MEF2C: variants seen among roughly 807,000 people sequenced by gnomAD.
MEF2C encodes myocyte-specific enhancer factor 2C.
MEF2C carries 6 observed loss-of-function variants against 50.5 expected under a neutral mutation model. That is an observed-to-expected ratio of 0.12 (90% confidence interval 0.07 to 0.23). The LOEUF is 0.23. MEF2C is among the 10% of genes least tolerant of loss of function. The probability of loss-of-function intolerance (pLI) is 1.00; values close to 1 mark genes in which losing one functional copy is unlikely to be tolerated. For synonymous variants in MEF2C, 183 were observed against 228.0 expected, an observed-to-expected ratio of 0.80 and a Z score of 1.78; for missense variants, 276 against 605.0, an observed-to-expected ratio of 0.46 and a Z score of 5.70.
chr5:88,733,577 T>C, intron 6 of MEF2C: 7 of 985,386 alleles, frequency 7.1e-6, no homozygotes, highest in Non-Finnish European at 8.4e-6. Context: ...AGAGCAAAGG[T>C]ATATTTCAGG....
chr5:88,752,026 G>A lies in MEF2C; in HGVS notation c.420C>T (p.Asn140=), dbSNP rs1773031439. 1.2e-6 allele frequency: 2 copies of A among 1,609,664 alleles called. No homozygotes were observed. The highest frequency in any genetic ancestry group is 1.7e-5 in the Admixed American group (1 of 59,756). Residue 140 remains asparagine, a synonymous_variant, in exon 5 of 11, where the codon AAC becomes AAT. Coordinates refer to ENST00000504921, the MANE Select transcript of MEF2C (RefSeq NM_002397.5). The part of the protein sequence containing the change: ...RQRLCAVPPP[N]FEMPVSIPVS... ...CTGGGATGGAGACTGGCATCTCGAA[G>A]TTGGGAGGTGGAACAGCCTGCAGGA...
chr5:88,799,870 TCA>T (rs60340884), intron 3 of MEF2C, among the ~76,000 whole-genome samples: 25,584 of 106,926 alleles, frequency 0.24, 2,369 homozygotes, highest in Middle Eastern at 0.34. Context: ...TCTCTCTCTC[TCA>T]CACACACACA....
intron 1 of MEF2C, among the ~76,000 whole-genome samples, chr5:88,863,789 G>A (rs1167327996): frequency 6.6e-6 from 1 of 150,606 alleles, no homozygotes; most frequent in Non-Finnish European, 1.5e-5. Flanking sequence ...TGTCTTTTAG[G>A]TTCATTCATG....
rs1012308050 is a variant in MEF2C, at chr5:88,740,633, T to A, written c.637+8437A>T. 2.9e-5 allele frequency: 29 copies of A among 984,318 alleles called. No homozygotes were observed. The African/African-American group carries it at 5.1e-4, about 17-fold the overall frequency. The allele number at this position is 984,318 out of a possible 1,614,324, so 61.0% of individuals were successfully genotyped here. ...GTCTGAGATTTAGCATGCATCCTTG[T>A]ATTTGCAAATAAGGAAGAAATTGAC... On this transcript the variant is annotated intron_variant, in intron 6 of 10. Coordinates refer to ENST00000504921, the MANE Select transcript of MEF2C (RefSeq NM_002397.5).
intron 3 of MEF2C, among the ~76,000 whole-genome samples, chr5:88,785,730 T>C (rs1188421099): frequency 2.0e-5 from 3 of 151,184 alleles, no homozygotes; most frequent in Non-Finnish European, 4.4e-5. Context: ...TTAAAATACA[T>C]CTTACAAATA....
chr5:88,838,705 T>C, intron 1 of MEF2C: 4 of 985,340 alleles, frequency 4.1e-6, no homozygotes, highest in Non-Finnish European at 4.8e-6. Context: ...CCATTATCCT[T>C]ACCCTCCTCC....
intron 1 of MEF2C, among the ~76,000 whole-genome samples, chr5:88,899,332 C>G (rs1331460010): frequency 6.6e-6 from 1 of 152,138 alleles, no homozygotes; most frequent in Non-Finnish European, 1.5e-5. Context: ...GGGTGGGGCC[C>G]AGTCATTGCA....
intron 9 of MEF2C, among the ~76,000 whole-genome samples, chr5:88,728,837 G>A (rs979988588): frequency 6.6e-6 from 1 of 152,036 alleles, no homozygotes; most frequent in Admixed American, 6.6e-5. Flanking sequence ...AGTATTCCAC[G>A]AATGCTCTGA....
intron 3 of MEF2C, among the ~76,000 whole-genome samples, chr5:88,797,056 T>C (rs1476907291): frequency 1.3e-5 from 2 of 152,216 alleles, no homozygotes; most frequent in African/African-American, 4.8e-5. Flanking sequence ...ATGTCAGTTT[T>C]AGGATAAGTG....
At chr5:88,789,397 G>C (rs751718315) in intron 3 of MEF2C, among the ~76,000 whole-genome samples, 1 of 151,826 alleles carries the variant, frequency 6.6e-6, no homozygotes, top group South Asian at 2.1e-4. Flanking sequence ...TGAACTCCTA[G>C]GCTCAAGTAA....
chr5:88,833,840 G>C (rs1813987434), intron 1 of MEF2C, among the ~76,000 whole-genome samples: 1 of 152,046 alleles, frequency 6.6e-6, no homozygotes, highest in Admixed American at 6.6e-5. Context: ...TTATGGCAAG[G>C]GAGAACTGGG....
At chr5:88,729,457 G>A (rs1760441968) in intron 8 of MEF2C, 110 bp from the exon 9 acceptor site, 1 of 1,000,406 alleles carries the variant, frequency 1.0e-6, no homozygotes, top group Non-Finnish European at 1.5e-6. Context: ...CAAATCTCAT[G>A]AAATTAATCA....
intron 3 of MEF2C, among the ~76,000 whole-genome samples, chr5:88,800,807 CTG>C (rs1251357607): frequency 6.6e-6 from 1 of 152,084 alleles, no homozygotes; most frequent in African/African-American, 2.4e-5. Flanking sequence ...AATACAATAA[CTG>C]TTTTTGTTTT....
intron 1 of MEF2C, among the ~76,000 whole-genome samples, chr5:88,847,302 A>C (rs1819677705): frequency 6.6e-6 from 1 of 152,196 alleles, no homozygotes; most frequent in Non-Finnish European, 1.5e-5. Context: ...AGAATAAATG[A>C]TATTCTAGTA....
rs747322154 is a variant in MEF2C at position 88,804,831 on chromosome 5, TA to T, written c.55-31del. The stretch of plus-strand genomic sequence containing the variant: ...AAAAAAGAAAGCAGCCAAGATTTTT[TA>T]AAAAATATTCATGCATGTGTGGTTT... On this transcript the variant is annotated intron_variant, in intron 2 of 10. Transcript: ENST00000504921. 124 of 1,582,684 alleles carry T rather than the reference TA, an allele frequency of 7.8e-5. No individual in the cohort carries two copies. The African/African-American group carries it at 1.4e-3, about 17-fold the overall frequency.
At chr5:88,887,458 T>C (rs1834129972), upstream of MEF2C, 1 of 152,234 alleles carries the variant, frequency 6.6e-6, no homozygotes, top group Admixed American at 6.5e-5. Flanking sequence ...TTTACCTTTA[T>C]GGTAACTCTG....
chr5:88,762,796 C>A (rs1476591037), intron 3 of MEF2C, among the ~76,000 whole-genome samples: 1 of 151,900 alleles, frequency 6.6e-6, no homozygotes, highest in African/African-American at 2.4e-5. Flanking sequence ...GAAAGTTCAG[C>A]AGAGCTCATC....
In MEF2C at chr5:88,722,738, A is replaced by G; in HGVS notation, c.1288T>C (p.Ser430Pro). Reference sequence around the variant, plus strand: ...TCCTCTCGGTCGCTCCCGTCGTACGAACTGCTACAGCTGCTCAAGCTGTCA... The same window carrying G: ...TCCTCTCGGTCGCTCCCGTCGTACGGACTGCTACAGCTGCTCAAGCTGTCA... ...PVDSLSSCSS[S>P]YDGSDREDHR... Residue 430 changes from serine (S) to proline (P), a missense_variant, in exon 11 of 11, where the codon TCG becomes CCG. Transcript: ENST00000504921. 1 of 1,613,968 alleles carries G rather than the reference A, an allele frequency of 6.2e-7. No homozygotes were observed. The highest frequency in any genetic ancestry group is 8.5e-7 in the Non-Finnish European group (1 of 1,179,884).
intron 3 of MEF2C, chr5:88,772,657 T>C (rs1782898285): frequency 1.2e-5 from 10 of 831,478 alleles, no homozygotes; most frequent in East Asian, 1.2e-4. Flanking sequence ...ATTTCATTTA[T>C]GGTATCCTCA....
Sources: allele counts gnomAD v4.1 joint callset (sites outside exome capture counted in the v4.1 genomes callset), GRCh38; gene constraint gnomAD v4.1.1; transcripts MANE v1.5; gene names NCBI Gene and HGNC (gene_info 2026-07-23, HGNC 2026-07-21).